The following VAMP4 variants were observed in gnomAD, a reference collection of about 807,000 sequenced individuals.
VAMP4 encodes the protein vesicle-associated membrane protein 4.
Under a neutral mutation model 23.5 loss-of-function variants are expected in VAMP4, and 19 were observed. The observed-to-expected ratio is 0.81, with a 90% CI of 0.56 to 1.19. The LOEUF (loss-of-function observed/expected upper bound fraction) is 1.19, where lower values mean the gene tolerates loss of function less well. VAMP4 is among the 50% of genes most tolerant of loss of function. The probability of loss-of-function intolerance (pLI) is 0.00; values close to 1 mark genes in which losing one functional copy is unlikely to be tolerated. For synonymous variants in VAMP4, 31 were observed against 51.0 expected (o/e 0.61, Z 1.67); for missense variants, 145 against 168.6 (o/e 0.86, Z 0.78).
chr1:171,738,166 C>T (rs1655801640), intron 2 of VAMP4, among the ~76,000 whole-genome samples, 183 bp downstream of exon 2: 1 of 152,172 alleles, frequency 6.6e-6, no homozygotes, highest in Admixed American at 6.5e-5. Flanking sequence ...GAGACAGGGT[C>T]TCCCTGGGTT....
At chr1:171,719,433 C>T (rs886631453) in intron 3 of VAMP4, among the ~76,000 whole-genome samples, 2 of 152,050 alleles carry the variant, frequency 1.3e-5, no homozygotes, top group Non-Finnish European at 2.9e-5. Flanking sequence ...TTACTAGCCA[C>T]AATTAAGCTA....
At position 171,701,002 on chromosome 1, in the gene VAMP4, A is replaced by ACTAT. The variant is rs1654413431; in HGVS notation, c.*3500_*3503dup. 1 of 152,164 alleles carries ACTAT rather than the reference A, an allele frequency of 6.6e-6. No individual in the cohort carries two copies. Among genetic ancestry groups the ACTAT allele is most frequent in the Admixed American group, 6.6e-5 (1 of 15,266 alleles). 9.4% of individuals were successfully genotyped at this position (152,164 alleles called of 1,614,324 possible). On this transcript the variant is annotated 3_prime_UTR_variant, in exon 8 of 8. Coordinates refer to ENST00000236192, the MANE Select transcript of VAMP4 (RefSeq NM_003762.5). Reference sequence around the variant, plus strand: ...AGAAGAAAAAAAAAATCAGAATAAGACTATCTCAAAGTATTAAAGAGGATC... The same window carrying ACTAT: ...AGAAGAAAAAAAAAATCAGAATAAGACTATCTATCTCAAAGTATTAAAGAGGATC...
intron 1 of VAMP4, among the ~76,000 whole-genome samples, chr1:171,740,386 G>A (rs1655888150): frequency 6.6e-6 from 1 of 152,140 alleles, no homozygotes; most frequent in Non-Finnish European, 1.5e-5. Flanking sequence ...ACTTAAAAAA[G>A]AATAATCCCA....
intron 1 of VAMP4, among the ~76,000 whole-genome samples, chr1:171,739,898 A>T (rs1655873542): frequency 6.6e-6 from 1 of 152,252 alleles, no homozygotes; most frequent in Admixed American, 6.5e-5. Flanking sequence ...TGTGTATGCA[A>T]CATACTAAAA....
chr1:171,729,994 A>T (rs570030084), intron 2 of VAMP4, among the ~76,000 whole-genome samples: 3 of 152,298 alleles, frequency 2.0e-5, no homozygotes, highest in East Asian at 1.9e-4. Flanking sequence ...CAGACATTAC[A>T]CTAATGGTTT....
chr1:171,705,696 A>AAAAT (rs913405561), intron 7 of VAMP4, among the ~76,000 whole-genome samples: 1 of 152,164 alleles, frequency 6.6e-6, no homozygotes, highest in Non-Finnish European at 1.5e-5. Flanking sequence ...TTTCTGTTTA[A>AAAAT]AAATATAACA....
intron 4 of VAMP4, among the ~76,000 whole-genome samples, chr1:171,712,233 G>A (rs907581337): frequency 4.6e-5 from 7 of 152,154 alleles, no homozygotes; most frequent in Non-Finnish European, 7.4e-5. Flanking sequence ...AAGTGTGTAG[G>A]GGGCTTTAAA....
chr1:171,717,854 G>C (rs979125704), intron 4 of VAMP4, among the ~76,000 whole-genome samples: 6 of 152,090 alleles, frequency 3.9e-5, no homozygotes, highest in African/African-American at 7.2e-5. Flanking sequence ...AAAGTGGCTT[G>C]TTGTATCTTT....
chr1:171,734,912 T>A (rs1655689656), intron 2 of VAMP4, among the ~76,000 whole-genome samples: 1 of 152,242 alleles, frequency 6.6e-6, no homozygotes, highest in Admixed American at 6.5e-5. Flanking sequence ...TTATTTGTAT[T>A]ATTTTTAATT....
rs566505649 is a variant in VAMP4, at chr1:171,709,551, A to G, written c.345+114T>C. On this transcript the variant is annotated intron_variant, in intron 6 of 7. Transcript: ENST00000236192. ...CTGAATTTCTACCATGTCTCAGGAC[A>G]GTTATAGGCCCTGTTCTCACAGAGG... 1.9e-5 allele frequency: 16 copies of G among 827,012 alleles called. No homozygotes were observed. The East Asian group carries it at 4.0e-4, about 21-fold the overall frequency. 51.2% of individuals were successfully genotyped at this position (827,012 alleles called of 1,614,324 possible).
At chr1:171,711,162 G>A (rs573390550) in intron 4 of VAMP4, among the ~76,000 whole-genome samples, 1 of 152,060 alleles carries the variant, frequency 6.6e-6, no homozygotes, top group African/African-American at 2.4e-5. Flanking sequence ...TTTTCAACAG[G>A]CTATTGAGGC....
chr1:171,715,038 G>A (rs1027211472), intron 4 of VAMP4, among the ~76,000 whole-genome samples: 1 of 152,130 alleles, frequency 6.6e-6, no homozygotes. Flanking sequence ...AGTGGATGGT[G>A]AGAAAGTTCT....
At chr1:171,706,685 T>C (rs892408564) in intron 6 of VAMP4, among the ~76,000 whole-genome samples, 5 of 152,104 alleles carry the variant, frequency 3.3e-5, no homozygotes, top group African/African-American at 1.2e-4. Context: ...TCATATACTT[T>C]GAAAAAAAGT....
In VAMP4 at chr1:171,733,713, T is replaced by C. The variant is rs567236842; in HGVS notation, c.66+4636A>G. Among the ~76,000 whole-genome samples the C allele has an allele frequency of 1.4e-4, 22 of 152,290 alleles. No individual in the cohort carries two copies. In the South Asian group the frequency reaches 4.3e-3, roughly 30 times the overall value. Reference sequence around the variant, plus strand: ...TGAGGATGTGGAGAAATTAGAATCATCATACATTGCCGGTGAGAATGTAAA... The same window carrying C: ...TGAGGATGTGGAGAAATTAGAATCACCATACATTGCCGGTGAGAATGTAAA... On this transcript the variant is annotated intron_variant, in intron 2 of 7. Coordinates refer to ENST00000236192, the MANE Select transcript of VAMP4 (RefSeq NM_003762.5).
chr1:171,718,718 G>T (rs1655096389), intron 4 of VAMP4, among the ~76,000 whole-genome samples: 1 of 152,048 alleles, frequency 6.6e-6, no homozygotes, highest in Non-Finnish European at 1.5e-5. Flanking sequence ...TAGGAATCAA[G>T]CTACAGATTT....
chr1:171,737,237 G>A lies in VAMP4; in HGVS notation c.66+1112C>T, dbSNP rs115568780. ...CCCAGTGCCTAGCACATAGGAGGTG[G>A]TCAATACATATTTGTTGAATGAATC... On this transcript the variant is annotated intron_variant, in intron 2 of 7. Transcript: ENST00000236192. 7.8e-3 allele frequency among the ~76,000 whole-genome samples: 1,188 copies of A among 152,198 alleles called. 7 individuals carry two copies. Among genetic ancestry groups the A allele is most frequent in the Non-Finnish European group, 0.013 (895 of 68,016 alleles).
At chr1:171,731,667 T>G (rs1655571671) in intron 2 of VAMP4, among the ~76,000 whole-genome samples, 1 of 152,210 alleles carries the variant, frequency 6.6e-6, no homozygotes, top group African/African-American at 2.4e-5. Flanking sequence ...ACAATAAATG[T>G]GACTGGTTTG....
At position 171,710,830 on chromosome 1, in the gene VAMP4, TAC is replaced by T; in HGVS notation, c.165-18_165-17del. The T allele has an allele frequency of 1.3e-6, 2 of 1,543,268 alleles. No homozygotes were observed. The highest frequency in any genetic ancestry group is 1.7e-4 in the Middle Eastern group (1 of 5,886). ...ATTCTGAACACTAGTTTAAAAAAGATACACAATTATTTATCCTTCTTTTGAGA... is the reference window on the plus strand; with the variant it reads ...ATTCTGAACACTAGTTTAAAAAAGATACAATTATTTATCCTTCTTTTGAGA... On this transcript the variant is annotated splice_polypyrimidine_tract_variant and intron_variant, in intron 4 of 7. Coordinates refer to ENST00000236192, the MANE Select transcript of VAMP4 (RefSeq NM_003762.5).
chr1:171,706,923 A>T (rs180713853), intron 6 of VAMP4, among the ~76,000 whole-genome samples: 26 of 152,326 alleles, frequency 1.7e-4, no homozygotes, highest in Admixed American at 5.2e-4. Flanking sequence ...TTTCTACGGT[A>T]GTTTTTCAAC....
Sources: allele counts gnomAD v4.1 joint callset (sites outside exome capture counted in the v4.1 genomes callset), GRCh38; gene constraint gnomAD v4.1.1; transcripts MANE v1.5; gene names NCBI Gene and HGNC (gene_info 2026-07-23, HGNC 2026-07-21).